EVPL: variants seen among roughly 807,000 people sequenced by gnomAD.
EVPL encodes the protein 210 kDa cornified envelope precursor protein.
A neutral mutation model predicts 129.7 loss-of-function variants in EVPL; 94 were observed. The observed-to-expected ratio is 0.72, with a 90% CI of 0.61 to 0.86. EVPL has a LOEUF of 0.86. Among genes scored for constraint, EVPL ranks in the 40% least tolerant of loss-of-function variants. EVPL has a pLI of 0.00. For missense variants in EVPL, 2,625 were observed against 2,721.1 expected, an observed-to-expected ratio of 0.96 and a Z score of 0.79; for synonymous variants, 1,172 against 1,191.1, an observed-to-expected ratio of 0.98 and a Z score of 0.33.
chr17:76,009,110 C>A lies in EVPL; in HGVS notation c.4095G>T (p.Lys1365Asn), dbSNP rs1358952491. ...QSKRLLLERR[K>N]PEEKVVVQEV... ...CCTGCACCACCACCTTCTCCTCGGG[C>A]TTCCTCCTCTCCAGCAGCAGGCGCT... Residue 1365 changes from lysine (K) to asparagine (N), a missense_variant, in exon 22 of 22, where the codon AAG (lysine) becomes AAT (asparagine). Physicochemically the swap from Lys to Asn is moderately conservative, Grantham distance 94. Around this residue, in one of 4 missense-constraint regions of EVPL, gnomAD observed 1,453 missense variants for 1,511.8 expected, o/e 0.96. Coordinates refer to ENST00000301607, the MANE Select transcript of EVPL (RefSeq NM_001988.4). The surrounding 1 kb of genome is among the most constrained non-coding windows in gnomAD (Gnocchi z 5.9). 2 of 1,613,116 alleles carry A rather than the reference C, an allele frequency of 1.2e-6. No homozygotes were observed. The highest frequency in any genetic ancestry group is 1.7e-6 in the Non-Finnish European group (2 of 1,179,504).
chr17:76,015,233 C>T lies in EVPL; in HGVS notation c.2022G>A (p.Glu674=). The change falls in exon 16 of 22, where the codon GAG becomes GAA. Residue 674 remains glutamate, a synonymous_variant. Coordinates refer to ENST00000301607, the MANE Select transcript of EVPL (RefSeq NM_001988.4). ...EPGALQERVS[E]LQRQRRELLE... is the part of the protein sequence containing the mutation. ...GCCCCGGCTGGTCCCTTACCTGCAGCTCGCTGACCCTCTCCTGCAGAGCCC... is the reference window on the plus strand; with the variant it reads ...GCCCCGGCTGGTCCCTTACCTGCAGTTCGCTGACCCTCTCCTGCAGAGCCC... 1 of 1,591,552 alleles carries T rather than the reference C, an allele frequency of 6.3e-7. No homozygotes were observed. The highest frequency in any genetic ancestry group is 8.5e-7 in the Non-Finnish European group (1 of 1,172,666).
rs1598240367 is a variant in EVPL, at chr17:76,018,459, C to T, written c.1426G>A (p.Ala476Thr). ...ACACAGACCTACCGGGAGGCCCTGGCCACAGCATCAGGGTCTGGTGCTGGG... is the reference window on the plus strand; with the variant it reads ...ACACAGACCTACCGGGAGGCCCTGGTCACAGCATCAGGGTCTGGTGCTGGG... ...CIPAPDPDAV[A>T]RASRLASELQ... Residue 476 changes from alanine (A) to threonine (T), a missense_variant, in exon 12 of 22, where the codon GCC becomes ACC. Ala to Thr is a moderately conservative substitution (Grantham distance 58, BLOSUM62 0). Coordinates refer to ENST00000301607, the MANE Select transcript of EVPL (RefSeq NM_001988.4). 3.7e-6 allele frequency: 6 copies of T among 1,611,998 alleles called. No homozygotes were observed. The East Asian group carries it at 1.1e-4, about 30-fold the overall frequency.
Position 76,006,974 on chromosome 17 carries a change from TA to T in EVPL, c.*128del. 3 of 1,084,824 alleles carry T rather than the reference TA, an allele frequency of 2.8e-6. No homozygotes were observed. Among genetic ancestry groups the T allele is most frequent in the Non-Finnish European group, 3.5e-6 (3 of 846,988 alleles). 67.2% of individuals were successfully genotyped at this position (1,084,824 alleles called of 1,614,324 possible). On this transcript the variant is annotated 3_prime_UTR_variant, in exon 22 of 22. Transcript: ENST00000301607. Reference sequence around the variant, plus strand: ...GGGAGGGAGCCCATCACCATGTTAGTAAAATAATAAAACAGTGGTTGGACAG... The same window carrying T: ...GGGAGGGAGCCCATCACCATGTTAGTAAATAATAAAACAGTGGTTGGACAG...
Position 76,014,435 on chromosome 17 carries a change from C to T in EVPL, c.2364G>A (p.Gln788=), listed in dbSNP as rs772217610. The change falls in exon 18 of 22, where the codon CAG becomes CAA. Residue 788 remains glutamine, a synonymous_variant. Coordinates refer to ENST00000301607, the MANE Select transcript of EVPL (RefSeq NM_001988.4). ...DGPSQIAYKL[Q]AQKRLTQEIQ... ...CCTGCCCCAGCCTCACCTTCTGCGC[C>T]TGCAGCTTGTAGGCGATCTGGCTGG... 14 of 1,609,190 alleles carry T rather than the reference C, an allele frequency of 8.7e-6. No homozygotes were observed. The Admixed American group carries it at 2.2e-4, about 25-fold the overall frequency.
rs2066469414 is a variant in EVPL, at chr17:76,022,513, C to T, written c.506G>A (p.Gly169Glu). ...KQKQVCAGQY[G>E]PGMAELEQQI... ...TTGCTCCAGCTCCGCCATGCCCGGC[C>T]CGTACTGGCCTGCGCAGACCTGCTT... The change falls in exon 5 of 22, where the codon GGG becomes GAG. Residue 169 changes from glycine to glutamate, a missense_variant. Transcript: ENST00000301607. This position sits in a 1 kb window ranked among gnomAD's most constrained non-coding sequence, Gnocchi z 5.6. 5 of 1,610,102 alleles carry T rather than the reference C, an allele frequency of 3.1e-6. No individual in the cohort carries two copies. In the East Asian group the frequency reaches 1.1e-4, roughly 36 times the overall value.
At chr17:76,025,626 G>A (rs866241792) in intron 1 of EVPL, among the ~76,000 whole-genome samples, 2 of 152,194 alleles carry the variant, frequency 1.3e-5, no homozygotes, top group Non-Finnish European at 2.9e-5. Context: ...GTCACTCAGC[G>A]AGAGTGTTAG....
At chr17:76,015,408 C>A in intron 15 of EVPL, 42 bp downstream of exon 15, 1 of 1,603,052 alleles carries the variant, frequency 6.2e-7, no homozygotes, top group Non-Finnish European at 8.5e-7. Context: ...CTGGGCCACA[C>A]GCTGCTGCCC....
At chr17:76,019,131 T>C in intron 10 of EVPL, 71 bp from the exon 11 acceptor site, 1 of 1,435,050 alleles carries the variant, frequency 7.0e-7, no homozygotes, top group Middle Eastern at 2.3e-4. Context: ...ATACCTGTCC[T>C]TCAAAAGGCC....
Position 76,007,999 on chromosome 17 carries a change from A to G in EVPL, c.5206T>C (p.Ser1736Pro). 1 of 1,613,544 alleles carries G rather than the reference A, an allele frequency of 6.2e-7. No individual in the cohort carries two copies. The highest frequency in any genetic ancestry group is 1.3e-5 in the African/African-American group (1 of 74,858). ...CCGCTCTTGCGGTCCAGGAGCACAG[A>G]CTCCTCCCCACAGGGCCCCGAGGTG... is the stretch of plus-strand genomic sequence containing the variant. ...VTTSGPCGEE[S>P]VLLDRKSGKQ... Residue 1736 changes from serine (S) to proline (P), a missense_variant, in exon 22 of 22, where the codon TCT (serine) becomes CCT (proline). Around this residue, in one of 4 missense-constraint regions of EVPL, gnomAD observed 1,453 missense variants for 1,511.8 expected, o/e 0.96. Transcript: ENST00000301607. This position sits in a 1 kb window ranked among gnomAD's most constrained non-coding sequence, Gnocchi z 8.8.
rs2066487200 is a variant in EVPL, at chr17:76,024,696, G to A, written c.99-576C>T. On this transcript the variant is annotated intron_variant, in intron 1 of 21. Coordinates refer to ENST00000301607, the MANE Select transcript of EVPL (RefSeq NM_001988.4). The surrounding 1 kb of genome is among the most constrained non-coding windows in gnomAD (Gnocchi z 4.5). ...CCGGGGAGGTGGGGCAGGCGCAAGA[G>A]ACTACTGGGCACCCTAACATTCTCC... Among the ~76,000 whole-genome samples, 1 of 152,210 alleles carries A rather than the reference G, an allele frequency of 6.6e-6. No homozygotes were observed. The highest frequency in any genetic ancestry group is 6.5e-5 in the Admixed American group (1 of 15,282).
Position 76,022,187 on chromosome 17 carries a change from A to G in EVPL, c.645+2T>C. The G allele has an allele frequency of 1.2e-6, 2 of 1,612,286 alleles. No homozygotes were observed. Among genetic ancestry groups the G allele is most frequent in the Non-Finnish European group, 1.7e-6 (2 of 1,179,588 alleles). ...CCCTGCCCGACCCTCCCTCCTGCTC[A>G]CCAGTAGGTCTCGGTATTGGCTCCG... is the stretch of plus-strand genomic sequence containing the variant. On this transcript the variant is annotated splice_donor_variant, in intron 6 of 21. Transcript: ENST00000301607. LOFTEE classifies it high-confidence loss of function. The surrounding 1 kb of genome is among the most constrained non-coding windows in gnomAD (Gnocchi z 5.6).
At position 76,021,787 on chromosome 17, in the gene EVPL, G is replaced by A; in HGVS notation, c.808-6C>T. On this transcript the variant is annotated splice_region_variant and splice_polypyrimidine_tract_variant and intron_variant, in intron 7 of 21. Transcript: ENST00000301607. The stretch of plus-strand genomic sequence containing the variant: ...AGCTCGTGCTGCTTGAAGTGCTGGG[G>A]GCGAGTCGGGTGGGGAGCGGCGGTG... The A allele has an allele frequency of 6.3e-7, 1 of 1,594,686 alleles. No individual in the cohort carries two copies. The highest frequency in any genetic ancestry group is 8.5e-7 in the Non-Finnish European group (1 of 1,173,716).
chr17:76,019,107 A>C, intron 10 of EVPL, 47 bp from the exon 11 acceptor site: 1 of 1,512,508 alleles, frequency 6.6e-7, no homozygotes, highest in Non-Finnish European at 8.8e-7. Flanking sequence ...GCTGCATTGG[A>C]GGCTGGCCAC....
rs1451888032 is a variant in EVPL, at chr17:76,023,364, C to G, written c.408G>C (p.Leu136=). The change falls in exon 4 of 22, where the codon CTG becomes CTC. Residue 136 remains leucine (L), a synonymous_variant. Transcript: ENST00000301607. The part of the protein sequence containing the change: ...VTQECAEYRA[L]YEKMVLPPDV... Reference sequence around the variant, plus strand: ...CGGGGGGCAGCACCATCTTCTCGTACAGGGCACGGTACTCCGCACACTCCT... The same window carrying G: ...CGGGGGGCAGCACCATCTTCTCGTAGAGGGCACGGTACTCCGCACACTCCT... The G allele has an allele frequency of 1.2e-6, 2 of 1,613,930 alleles. No individual in the cohort carries two copies. The highest frequency in any genetic ancestry group is 2.2e-5 in the South Asian group (2 of 91,084).
At position 76,015,377 on chromosome 17, in the gene EVPL, G is replaced by C; in HGVS notation, c.1890-12C>G. 6.2e-7 allele frequency: 1 copy of C among 1,603,142 alleles called. No individual in the cohort carries two copies. Among genetic ancestry groups the C allele is most frequent in the Non-Finnish European group, 8.5e-7 (1 of 1,176,396 alleles). ...GGGCAGCCTTGGCTCTGCCGCAGAG[G>C]AGGCAAGGCTCAGACACTCCCTGGG... is the stretch of plus-strand genomic sequence containing the variant. On this transcript the variant is annotated splice_polypyrimidine_tract_variant and intron_variant, in intron 15 of 21. Coordinates refer to ENST00000301607, the MANE Select transcript of EVPL (RefSeq NM_001988.4).
intron 9 of EVPL, among the ~76,000 whole-genome samples, chr17:76,020,176 CTAAACCAGCTAAACT>C (rs1369422801): frequency 2.6e-5 from 4 of 150,996 alleles, no homozygotes; most frequent in Admixed American, 6.6e-5. Context: ...CCAGATAAAC[CTAAACCAGCTAAACT>C]TAAACCAGCT....
In EVPL at chr17:76,022,609, AC is replaced by A. The variant is rs1054830170; in HGVS notation, c.481-72del. The A allele has an allele frequency of 3.3e-6, 5 of 1,516,378 alleles. No homozygotes were observed. Among genetic ancestry groups the A allele is most frequent in the African/African-American group, 2.8e-5 (2 of 72,516 alleles). The allele number at this position is 1,516,378 out of a possible 1,614,324, so 93.9% of individuals were successfully genotyped here. ...AGCCAGAGAACCCCACACGCCTCCC[AC>A]CCGGAGAAGTGGACTTGGTCATTTG... On this transcript the variant is annotated intron_variant, in intron 4 of 21. Transcript: ENST00000301607. The surrounding 1 kb of genome is among the most constrained non-coding windows in gnomAD (Gnocchi z 5.6).
chr17:76,017,134 AC>A (rs1213783109), intron 14 of EVPL, among the ~76,000 whole-genome samples: 1 of 145,108 alleles, frequency 6.9e-6, no homozygotes, highest in East Asian at 2.1e-4. Context: ...AATTGCTTGA[AC>A]CTGGGAGGCA....
intron 17 of EVPL, 145 bp from the exon 18 acceptor site, chr17:76,014,721 C>T: frequency 1.6e-6 from 2 of 1,248,270 alleles, no homozygotes; most frequent in East Asian, 5.1e-5. Flanking sequence ...ACTCCCTGAC[C>T]CTGGGAATTC....
Sources: allele counts gnomAD v4.1 joint callset (sites outside exome capture counted in the v4.1 genomes callset), GRCh38; gene constraint gnomAD v4.1.1; regional missense constraint gnomAD v4.1.1; non-coding constraint Gnocchi (gnomAD v3.1); transcripts MANE v1.5; gene names NCBI Gene and HGNC (gene_info 2026-07-23, HGNC 2026-07-21).